LAMTOR4: variants seen among roughly 807,000 people sequenced by gnomAD.
The protein encoded by LAMTOR4 is ragulator complex protein LAMTOR4.
Under a neutral mutation model 13.5 loss-of-function variants are expected in LAMTOR4, and 11 were observed. The ratio of observed to expected loss-of-function variants is 0.82; its 90% CI spans 0.51 to 1.35. The LOEUF (loss-of-function observed/expected upper bound fraction) is 1.35, where lower values mean the gene tolerates loss of function less well. Among genes scored for constraint, LAMTOR4 ranks in the 40% most tolerant of loss-of-function variants. The pLI is 0.00. For synonymous variants in LAMTOR4, 69 were observed against 52.3 expected, an observed-to-expected ratio of 1.32 and a Z score of -1.38; for missense variants, 128 against 126.2, an observed-to-expected ratio of 1.01 and a Z score of -0.07.
chr7:100,151,066 TTTTG>T, intron 2 of LAMTOR4, among the ~76,000 whole-genome samples: 1 of 151,732 alleles, frequency 6.6e-6, no homozygotes, highest in East Asian at 2.0e-4. Flanking sequence ...AGAGTTTTGT[TTTTG>T]TTTTTTTTTG....
chr7:100,148,977 T>C lies in LAMTOR4; in HGVS notation c.3+2T>C. 1 of 1,611,188 alleles carries C rather than the reference T, an allele frequency of 6.2e-7. No homozygotes were observed. The highest frequency in any genetic ancestry group is 8.5e-7 in the Non-Finnish European group (1 of 1,179,532). On this transcript the variant is annotated splice_donor_variant, in intron 1 of 3. Coordinates refer to ENST00000341942, the MANE Select transcript of LAMTOR4 (RefSeq NM_001008395.4). LOFTEE classifies it high-confidence loss of function. ...CCCCCAGCACCGAAGACTGCGATGGTGAGTGAGGACGCATGCGCGAGAGGA... is the reference window on the plus strand; with the variant it reads ...CCCCCAGCACCGAAGACTGCGATGGCGAGTGAGGACGCATGCGCGAGAGGA...
chr7:100,149,600 G>C, intron 2 of LAMTOR4, 21 bp downstream of exon 2: 1 of 1,593,890 alleles, frequency 6.3e-7, no homozygotes, highest in Non-Finnish European at 8.6e-7. Flanking sequence ...GGAAAGGGAG[G>C]GGGTCCCTTA....
intron 3 of LAMTOR4, 92 bp from the exon 4 acceptor site, chr7:100,153,775 C>T (rs529554165): frequency 3.4e-5 from 31 of 905,176 alleles, no homozygotes; most frequent in African/African-American, 1.3e-4. Flanking sequence ...AGCCAATGTG[C>T]GTGTGGCCCC....
At chr7:100,153,230 G>C (rs1157729637) in intron 2 of LAMTOR4, among the ~76,000 whole-genome samples, 170 bp from the exon 3 acceptor site, 1 of 151,996 alleles carries the variant, frequency 6.6e-6, no homozygotes, top group Non-Finnish European at 1.5e-5. Flanking sequence ...CATCCGGAGG[G>C]TGACAACATT....
intron 1 of LAMTOR4, 30 bp downstream of exon 1, chr7:100,149,005 C>T (rs370022871): frequency 4.8e-5 from 77 of 1,605,232 alleles, no homozygotes; most frequent in Non-Finnish European, 6.3e-5. Flanking sequence ...CGAGAGGACC[C>T]GCCGGGGGTT....
At chr7:100,149,352 G>T (rs1015896960) in intron 1 of LAMTOR4, 147 bp from the exon 2 acceptor site, 41 of 696,354 alleles carry the variant, frequency 5.9e-5, no homozygotes, top group African/African-American at 1.1e-4. Flanking sequence ...GGACCATGTA[G>T]GGGGGAGGGG....
At chr7:100,149,387 A>C in intron 1 of LAMTOR4, 112 bp from the exon 2 acceptor site, 2 of 762,590 alleles carry the variant, frequency 2.6e-6, no homozygotes, top group Non-Finnish European at 2.4e-6. Flanking sequence ...TGGCTGGGGA[A>C]TGAGAAAACC....
intron 3 of LAMTOR4, 121 bp downstream of exon 3, chr7:100,153,638 T>C: frequency 1.1e-6 from 1 of 938,996 alleles, no homozygotes; most frequent in Non-Finnish European, 1.7e-6. Context: ...CTGGCCACTT[T>C]CCTCCCTTTG....
chr7:100,153,179 T>C (rs915977886), intron 2 of LAMTOR4, among the ~76,000 whole-genome samples: 2 of 151,530 alleles, frequency 1.3e-5, no homozygotes, highest in Admixed American at 1.3e-4. Flanking sequence ...GATAAGTTAC[T>C]GCTCATCCGG....
chr7:100,149,274 T>G (rs1798624997), intron 1 of LAMTOR4: 2 of 565,546 alleles, frequency 3.5e-6, no homozygotes, highest in East Asian at 3.0e-5. Flanking sequence ...AAAGGTGGGA[T>G]GTGGAAGGCC....
At chr7:100,152,239 A>C (rs1798726516) in intron 2 of LAMTOR4, among the ~76,000 whole-genome samples, 1 of 152,094 alleles carries the variant, frequency 6.6e-6, no homozygotes. Context: ...GTGAAACCTC[A>C]TCTCTACAAA....
In LAMTOR4 at chr7:100,149,691, A is replaced by T; in HGVS notation, c.84+112A>T. The T allele has an allele frequency of 7.6e-6, 6 of 793,500 alleles. No individual in the cohort carries two copies. In the South Asian group the frequency reaches 9.0e-5, roughly 12 times the overall value. 49.2% of individuals were successfully genotyped at this position (793,500 alleles called of 1,614,324 possible). ...TCTGGTTTCCTGCCTGGCATCTATT[A>T]GGTTGGTACAAAAGTATTTGCAGTT... On this transcript the variant is annotated intron_variant, in intron 2 of 3. Transcript: ENST00000341942.
chr7:100,151,187 G>A (rs1798687835), intron 2 of LAMTOR4, among the ~76,000 whole-genome samples: 1 of 151,388 alleles, frequency 6.6e-6, no homozygotes, highest in South Asian at 2.1e-4. Flanking sequence ...TGATTTTCCT[G>A]CCTCAGCCTC....
chr7:100,151,048 A>G (rs1378251109), intron 2 of LAMTOR4, among the ~76,000 whole-genome samples: 1 of 151,456 alleles, frequency 6.6e-6, no homozygotes, highest in African/African-American at 2.4e-5. Context: ...AGGAGGAGCA[A>G]GGAGAGAAGA....
chr7:100,151,555 C>G (rs1798703476), intron 2 of LAMTOR4, among the ~76,000 whole-genome samples: 1 of 151,058 alleles, frequency 6.6e-6, no homozygotes, highest in Admixed American at 6.6e-5. Context: ...TGCCCGGCTA[C>G]TTTTTTGTAT....
chr7:100,149,747 G>A (rs2116940415), intron 2 of LAMTOR4, 168 bp downstream of exon 2: 1 of 560,090 alleles, frequency 1.8e-6, no homozygotes. Flanking sequence ...TCAGTCTGTG[G>A]AATCTTAGTC....
At chr7:100,151,336 CAA>C (rs1798692342) in intron 2 of LAMTOR4, among the ~76,000 whole-genome samples, 1 of 151,742 alleles carries the variant, frequency 6.6e-6, no homozygotes, top group Non-Finnish European at 1.5e-5. Context: ...GCCTCCCACC[CAA>C]AGTGCTGGGA....
chr7:100,153,230 G>T (rs1157729637), intron 2 of LAMTOR4, among the ~76,000 whole-genome samples, 170 bp from the exon 3 acceptor site: 1 of 151,996 alleles, frequency 6.6e-6, no homozygotes, highest in Non-Finnish European at 1.5e-5. Flanking sequence ...CATCCGGAGG[G>T]TGACAACATT....
At position 100,153,471 on chromosome 7, in the gene LAMTOR4, T is replaced by C. The variant is rs924603286; in HGVS notation, c.156T>C (p.Gly52=). The C allele has an allele frequency of 6.2e-7, 1 of 1,609,960 alleles. No individual in the cohort carries two copies. Among genetic ancestry groups the C allele is most frequent in the African/African-American group, 1.3e-5 (1 of 74,908 alleles). ...CTGAGCTGGTCAGCACAGCCTGCGG[T>C]TTCCGGCTGCACCGCGGCATGAATG... is the stretch of plus-strand genomic sequence containing the variant. ...AISELVSTAC[G]FRLHRGMNVP... The change falls in exon 3 of 4, where the codon GGT becomes GGC. Residue 52 remains glycine, a synonymous_variant. Coordinates refer to ENST00000341942, the MANE Select transcript of LAMTOR4 (RefSeq NM_001008395.4).
Sources: gnomAD v4.1 joint callset for allele counts (sites outside exome capture counted in the v4.1 genomes callset) on GRCh38, gnomAD v4.1.1 for gene constraint, MANE v1.5 for transcripts, NCBI Gene and HGNC (gene_info 2026-07-23, HGNC 2026-07-21) for gene names.